The following ERCC3 variants were observed in gnomAD, a reference collection of about 807,000 sequenced individuals.
ERCC3 encodes the protein general transcription and DNA repair factor IIH helicase/translocase subunit XPB.
Under a neutral mutation model 94.2 loss-of-function variants are expected in ERCC3, and 66 were observed. The ratio of observed to expected loss-of-function variants is 0.70; its 90% CI spans 0.57 to 0.86. The LOEUF (loss-of-function observed/expected upper bound fraction) is 0.86, where lower values mean the gene tolerates loss of function less well. ERCC3 is among the 40% of genes least tolerant of loss of function. The pLI is 0.00. For missense variants in ERCC3, 829 were observed against 987.1 expected (o/e 0.84, Z 2.15); for synonymous variants, 349 against 369.1 (o/e 0.95, Z 0.63).
chr2:127,267,214 G>A (rs946872438), intron 12 of ERCC3, among the ~76,000 whole-genome samples: 1 of 152,096 alleles, frequency 6.6e-6, no homozygotes, highest in East Asian at 1.9e-4. Flanking sequence ...TCCTACCATT[G>A]TTGTGTGGCT....
intron 12 of ERCC3, among the ~76,000 whole-genome samples, chr2:127,265,320 G>A (rs149575415): frequency 6.6e-6 from 1 of 152,110 alleles, no homozygotes; most frequent in Non-Finnish European, 1.5e-5. Flanking sequence ...AGAATCTTTT[G>A]TATTTCTGGG....
chr2:127,261,183 G>A, intron 13 of ERCC3, 45 bp downstream of exon 13: 2 of 1,129,584 alleles, frequency 1.8e-6, no homozygotes, highest in Middle Eastern at 2.0e-4. Context: ...AGGGTATCAA[G>A]AAGGCCTTGG....
chr2:127,281,768 A>AACAC (rs147789931), intron 8 of ERCC3, among the ~76,000 whole-genome samples: 5 of 150,140 alleles, frequency 3.3e-5, no homozygotes, highest in African/African-American at 9.8e-5. Context: ...CACACACACA[A>AACAC]ACACACACAC....
In ERCC3 at chr2:127,270,217, G is replaced by T. The variant is rs892087269; in HGVS notation, c.1945+1119C>A. Among the ~76,000 whole-genome samples, 4 of 151,684 alleles carry T rather than the reference G, an allele frequency of 2.6e-5. No homozygotes were observed. In the South Asian group the frequency reaches 8.3e-4, roughly 31 times the overall value. On this transcript the variant is annotated intron_variant, in intron 12 of 14. Coordinates refer to ENST00000285398, the MANE Select transcript of ERCC3 (RefSeq NM_000122.2). Reference sequence around the variant, plus strand: ...TAGTTTTATTTTTTGTAGAGATGGGGTCTCACTACATTGCCCAAGATGGTC... The same window carrying T: ...TAGTTTTATTTTTTGTAGAGATGGGTTCTCACTACATTGCCCAAGATGGTC...
intron 10 of ERCC3, 132 bp from the exon 11 acceptor site, chr2:127,273,093 C>T: frequency 3.1e-6 from 2 of 645,062 alleles, no homozygotes; most frequent in Middle Eastern, 3.4e-4. Context: ...AATATCGTTA[C>T]ACCCAAAAAA....
chr2:127,286,601 T>C (rs1019646779), intron 8 of ERCC3, 102 bp downstream of exon 8: 47 of 1,110,326 alleles, frequency 4.2e-5, no homozygotes, highest in Non-Finnish European at 1.6e-5. Context: ...CAAGTCTTTC[T>C]AGCCAGTTGG....
rs1684882914 is a variant in ERCC3, at chr2:127,280,728, T to C, written c.1343-97A>G. On this transcript the variant is annotated intron_variant, in intron 8 of 14. Transcript: ENST00000285398. This position sits in a 1 kb window ranked among gnomAD's most constrained non-coding sequence, Gnocchi z 6.3. ...TTTTTGTAGAGATGGGGTCTCATTA[T>C]ATTGCCCAGGCTGGTCTTGAACTCC... The C allele has an allele frequency of 8.7e-7, 1 of 1,153,132 alleles. No individual in the cohort carries two copies. Among genetic ancestry groups the C allele is most frequent in the Non-Finnish European group, 1.3e-6 (1 of 794,060 alleles). 71.4% of individuals were successfully genotyped at this position (1,153,132 alleles called of 1,614,324 possible).
intron 12 of ERCC3, among the ~76,000 whole-genome samples, chr2:127,269,044 A>G (rs1684467281): frequency 6.6e-6 from 1 of 152,238 alleles, no homozygotes; most frequent in Non-Finnish European, 1.5e-5. Flanking sequence ...TGCCGCACAA[A>G]GCAAGAATTC....
rs1052946405 is a variant in ERCC3, at chr2:127,274,808, A to G, written c.1731-1847T>C. Among the ~76,000 whole-genome samples the G allele has an allele frequency of 7.9e-5, 12 of 152,124 alleles. No individual in the cohort carries two copies. The highest frequency in any genetic ancestry group is 1.5e-4 in the Non-Finnish European group (10 of 68,018). On this transcript the variant is annotated intron_variant, in intron 10 of 14. Coordinates refer to ENST00000285398, the MANE Select transcript of ERCC3 (RefSeq NM_000122.2). This position sits in a 1 kb window ranked among gnomAD's most constrained non-coding sequence, Gnocchi z 4.0. ...CACAGTGGGGAGCCCTCAGTTTCTA[A>G]AGGTTCCCCCACACAGATGAAATAG...
In ERCC3 at chr2:127,288,680, C is replaced by G; in HGVS notation, c.1007G>C (p.Gly336Ala). The G allele has an allele frequency of 6.2e-7, 1 of 1,614,088 alleles. No homozygotes were observed. The highest frequency in any genetic ancestry group is 8.5e-7 in the Non-Finnish European group (1 of 1,179,978). The change falls in exon 7 of 15, where the codon GGG (glycine) becomes GCG (alanine). Residue 336 changes from glycine to alanine, a missense_variant. Gly to Ala is a moderately conservative substitution (Grantham distance 60). Coordinates refer to ENST00000285398, the MANE Select transcript of ERCC3 (RefSeq NM_000122.2). ...KMFGNGRARS[G>A]VIVLPCGAGK... is the part of the protein sequence containing the mutation. ...CTTACCGCAGGGAAGAACAATGACC[C>G]CCGAACGTGCACGCCCGTTTCCAAA... is the stretch of plus-strand genomic sequence containing the variant.
chr2:127,281,188 A>G (rs1437280154), intron 8 of ERCC3, among the ~76,000 whole-genome samples: 1 of 152,250 alleles, frequency 6.6e-6, no homozygotes, highest in African/African-American at 2.4e-5. Context: ...ACTGAAAAGA[A>G]AGTTGACAAT....
At chr2:127,266,709 ATTTTTTTTT>A (rs960627621) in intron 12 of ERCC3, among the ~76,000 whole-genome samples, 2 of 87,332 alleles carry the variant, frequency 2.3e-5, no homozygotes, top group African/African-American at 5.2e-5. Context: ...ATGATCAATT[ATTTTTTTTT>A]TTTTTTTTTT....
chr2:127,283,981 C>T (rs1684993989), intron 8 of ERCC3, among the ~76,000 whole-genome samples: 1 of 151,086 alleles, frequency 6.6e-6, no homozygotes, highest in Non-Finnish European at 1.5e-5. Context: ...AGTCACCTTC[C>T]AGACCAGCTC....
intron 10 of ERCC3, among the ~76,000 whole-genome samples, chr2:127,276,764 G>A (rs1378380068): frequency 1.6e-5 from 1 of 64,406 alleles, no homozygotes. Flanking sequence ...TGCCCATCAC[G>A]ATGAAAGAAA....
In ERCC3 at chr2:127,289,864, G is replaced by T. The variant is rs1484207702; in HGVS notation, c.522-40C>A. 3.1e-6 allele frequency: 5 copies of T among 1,611,536 alleles called. No individual in the cohort carries two copies. In the South Asian group the frequency reaches 5.5e-5, roughly 18 times the overall value. ...GGAAGAAGGGGTCTACTGACCAGCA[G>T]GTACCTCCTGGAGATTCCACTGCTC... On this transcript the variant is annotated intron_variant, in intron 4 of 14. Transcript: ENST00000285398.
At chr2:127,288,559 G>GCAAGC in intron 7 of ERCC3, 101 bp downstream of exon 7, 1 of 1,048,680 alleles carries the variant, frequency 9.5e-7, no homozygotes, top group East Asian at 2.4e-5. Flanking sequence ...TGGCTTTTCA[G>GCAAGC]CAAGGTGTGA....
chr2:127,257,598 A>G lies in ERCC3; in HGVS notation c.2347T>C (p.Ter783ArgextTer23). Reference protein sequence around the residue: ...VHPLFKRFRK* With the variant: ...VHPLFKRFRKR ...GAACGAAGTACCCTGCCTAAGCATC[A>G]TTTCCTAAAGCGCTTGAAGAGCGGG... The change falls in exon 15 of 15, where the codon TGA becomes CGA. Residue 783 changes from the stop codon to arginine, a stop_lost. Coordinates refer to ENST00000285398, the MANE Select transcript of ERCC3 (RefSeq NM_000122.2). This position sits in a 1 kb window ranked among gnomAD's most constrained non-coding sequence, Gnocchi z 5.4. 1 of 1,613,930 alleles carries G rather than the reference A, an allele frequency of 6.2e-7. No homozygotes were observed. The highest frequency in any genetic ancestry group is 8.5e-7 in the Non-Finnish European group (1 of 1,180,032).
chr2:127,275,893 T>C (rs1684722976), intron 10 of ERCC3, among the ~76,000 whole-genome samples: 1 of 152,126 alleles, frequency 6.6e-6, no homozygotes, highest in Non-Finnish European at 1.5e-5. Flanking sequence ...GGAAGACCGA[T>C]ACAAAACCCG....
chr2:127,271,294 G>C lies in ERCC3; in HGVS notation c.1945+42C>G, dbSNP rs1573939345. 2.9e-6 allele frequency: 4 copies of C among 1,362,398 alleles called. No homozygotes were observed. Among genetic ancestry groups the C allele is most frequent in the Non-Finnish European group, 4.2e-6 (4 of 950,102 alleles). 84.4% of individuals were successfully genotyped at this position (1,362,398 alleles called of 1,614,324 possible). ...CGTCTTCCTAACTAAAGTGGTTTAA[G>C]AGGAGTGACCTCCTGCAACAGAAGA... On this transcript the variant is annotated intron_variant, in intron 12 of 14. Coordinates refer to ENST00000285398, the MANE Select transcript of ERCC3 (RefSeq NM_000122.2). This position sits in a 1 kb window ranked among gnomAD's most constrained non-coding sequence, Gnocchi z 5.0.
Sources: allele counts gnomAD v4.1 joint callset (sites outside exome capture counted in the v4.1 genomes callset), GRCh38; gene constraint gnomAD v4.1.1; non-coding constraint Gnocchi (gnomAD v3.1); transcripts MANE v1.5; gene names NCBI Gene and HGNC (gene_info 2026-07-23, HGNC 2026-07-21).